Variants in RASEF observed in about 807,000 individuals in gnomAD.
The protein encoded by RASEF is RAS and EF-hand domain containing, also known as ras and EF-hand domain-containing protein.
Under a neutral mutation model 90.1 loss-of-function variants are expected in RASEF, and 68 were observed. That is an observed-to-expected ratio of 0.75 (90% confidence interval 0.62 to 0.92). The LOEUF (loss-of-function observed/expected upper bound fraction) is 0.92, where lower values mean the gene tolerates loss of function less well. Among genes scored for constraint, RASEF ranks in the 40% least tolerant of loss-of-function variants. The probability of loss-of-function intolerance (pLI) is 0.00; values close to 1 mark genes in which losing one functional copy is unlikely to be tolerated. For synonymous variants in RASEF, 331 were observed against 345.2 expected (o/e 0.96, Z 0.46); for missense variants, 949 against 937.2 (o/e 1.01, Z -0.16).
chr9:83,125,148 G>GGA, the RASEF span, among the ~76,000 whole-genome samples: 2 of 152,192 alleles, frequency 1.3e-5, no homozygotes, highest in Admixed American at 6.5e-5. Flanking sequence ...GGGCAGTGGT[G>GGA]GAGAGAGCCA....
the RASEF span, among the ~76,000 whole-genome samples, chr9:83,158,714 A>G: frequency 4.2e-5 from 6 of 143,616 alleles, no homozygotes; most frequent in East Asian, 7.9e-4. Context: ...ATGTACATAT[A>G]CATATATGTA....
Position 82,982,686 on chromosome 9 carries a change from G to T in RASEF, c.2214C>A (p.Cys738Ter), listed in dbSNP as rs770175252. The T allele has an allele frequency of 6.4e-7, 1 of 1,571,006 alleles. No individual in the cohort carries two copies. Among genetic ancestry groups the T allele is most frequent in the Non-Finnish European group, 8.8e-7 (1 of 1,140,780 alleles). Residue 738 changes from cysteine to a stop codon, truncating the protein, a stop_gained, in exon 17 of 17, where the codon TGC becomes TGA. Transcript: ENST00000376447. LOFTEE classifies it high-confidence loss of function. ...CAAGGATGTTTGGGATTTAGCCATTGCAACAATTCTTCATCTGTGGTGACT... is the reference window on the plus strand; with the variant it reads ...CAAGGATGTTTGGGATTTAGCCATTTCAACAATTCTTCATCTGTGGTGACT... ...SKKSPQMKNC[C>*]NG
chr9:83,151,890 G>A, the RASEF span, among the ~76,000 whole-genome samples: 1 of 152,100 alleles, frequency 6.6e-6, no homozygotes, highest in East Asian at 1.9e-4. Flanking sequence ...TCTAGATATA[G>A]ATTATTTTTT....
intron 1 of RASEF, among the ~76,000 whole-genome samples, chr9:83,062,208 G>A (rs891249930): frequency 6.6e-6 from 1 of 152,214 alleles, no homozygotes; most frequent in African/African-American, 2.4e-5. Flanking sequence ...GCCCTTTGCA[G>A]GCTCAGGATT....
chr9:83,090,305 G>A, the RASEF span, among the ~76,000 whole-genome samples: 5 of 152,036 alleles, frequency 3.3e-5, no homozygotes, highest in Non-Finnish European at 5.9e-5. Flanking sequence ...TAAAATAGCT[G>A]ATTTAAAGTC....
chr9:83,065,729 C>G (rs568353110), upstream of RASEF, among the ~76,000 whole-genome samples: 7 of 152,338 alleles, frequency 4.6e-5, no homozygotes, highest in African/African-American at 1.7e-4. Flanking sequence ...ACAACCACAG[C>G]TGGACAGTCC....
rs1309224272 is a variant in RASEF, at chr9:83,058,329, C to T, written c.431+4108G>A. On this transcript the variant is annotated intron_variant, in intron 1 of 16. Transcript: ENST00000376447. ...TCCCGAGTAGCTGGGACTACAGGTG[C>T]CCGCTACCACGCCCGGCTAATTTTT... Among the ~76,000 whole-genome samples the T allele has an allele frequency of 1.3e-5, 2 of 150,584 alleles. 1 individual carries two copies. The highest frequency in any genetic ancestry group is 5.0e-5 in the African/African-American group (2 of 40,264).
At chr9:83,071,504 C>T in the RASEF span, among the ~76,000 whole-genome samples, 1 of 152,170 alleles carries the variant, frequency 6.6e-6, no homozygotes, top group South Asian at 2.1e-4. Context: ...CTCCAGGTCT[C>T]AAGCCATCCT....
intron 1 of RASEF, among the ~76,000 whole-genome samples, chr9:83,031,641 C>T (rs897979982): frequency 6.6e-6 from 1 of 152,108 alleles, no homozygotes; most frequent in Non-Finnish European, 1.5e-5. Context: ...GTCTTAAGTA[C>T]ATACCTCCAT....
chr9:83,176,756 T>G, the RASEF span, among the ~76,000 whole-genome samples: 1 of 152,034 alleles, frequency 6.6e-6, no homozygotes. Context: ...TACTCCTTTA[T>G]AGCTCTATCA....
At chr9:83,048,108 A>T (rs545801240) in intron 1 of RASEF, 1 of 985,200 alleles carries the variant, frequency 1.0e-6, no homozygotes, top group African/African-American at 1.7e-5. Context: ...TCACTGGGTC[A>T]GCATTACCTG....
the RASEF span, among the ~76,000 whole-genome samples, chr9:83,173,466 G>A: frequency 6.6e-6 from 1 of 151,342 alleles, no homozygotes; most frequent in Non-Finnish European, 1.5e-5. Flanking sequence ...TTTTCAAATA[G>A]TCTATCTTTC....
the RASEF span, among the ~76,000 whole-genome samples, chr9:83,148,462 G>A: frequency 6.6e-6 from 1 of 152,154 alleles, no homozygotes; most frequent in African/African-American, 2.4e-5. Flanking sequence ...AGAGTCTGAG[G>A]TGATGCTTTA....
Position 83,000,971 on chromosome 9 carries a change from T to C in RASEF, c.1362A>G (p.Glu454=), listed in dbSNP as rs1289857527. 1 of 1,614,158 alleles carries C rather than the reference T, an allele frequency of 6.2e-7. No individual in the cohort carries two copies. The highest frequency in any genetic ancestry group is 1.7e-5 in the Admixed American group (1 of 60,016). The stretch of plus-strand genomic sequence containing the variant: ...TCTGAAATCCCCTCTGGTGCTTGTA[T>C]TCCACTTCTGAGTCATACTCATTGG... ...RDPNEYDSEV[E]YKHQRGFQRS... Residue 454 remains glutamate, a synonymous_variant, in exon 10 of 17, where the codon GAA becomes GAG. Transcript: ENST00000376447.
intron 1 of RASEF, chr9:83,049,293 G>C: frequency 1.0e-6 from 1 of 985,006 alleles, no homozygotes; most frequent in Non-Finnish European, 1.2e-6. Context: ...AATGACATCA[G>C]AATTAGCAAT....
At chr9:83,134,336 C>G in the RASEF span, among the ~76,000 whole-genome samples, 1 of 151,512 alleles carries the variant, frequency 6.6e-6, no homozygotes, top group Non-Finnish European at 1.5e-5. Context: ...AAAGAGCTTT[C>G]TCATTTGATC....
At chr9:83,044,859 T>C (rs567830558) in intron 1 of RASEF, among the ~76,000 whole-genome samples, 1 of 152,256 alleles carries the variant, frequency 6.6e-6, no homozygotes, top group South Asian at 2.1e-4. Flanking sequence ...AGTAAAGCAG[T>C]TTACCCTCCA....
chr9:83,190,251 C>A, the RASEF span, among the ~76,000 whole-genome samples: 8 of 152,250 alleles, frequency 5.3e-5, no homozygotes, highest in African/African-American at 1.7e-4. Context: ...AGCATCTAAA[C>A]TATATGTACA....
the RASEF span, among the ~76,000 whole-genome samples, chr9:83,148,186 C>T: frequency 6.6e-6 from 1 of 152,058 alleles, no homozygotes; most frequent in East Asian, 1.9e-4. Flanking sequence ...GTGTTACTTT[C>T]TATGTTCAGA....
Sources: allele counts gnomAD v4.1 joint callset (sites outside exome capture counted in the v4.1 genomes callset), GRCh38; gene constraint gnomAD v4.1.1; transcripts MANE v1.5; gene names NCBI Gene and HGNC (gene_info 2026-07-23, HGNC 2026-07-21).